Variants in SLC25A17 observed in about 807,000 individuals in gnomAD.
SLC25A17 encodes peroxisomal membrane protein PMP34.
In SLC25A17, 26 loss-of-function variants were observed where a neutral mutation model predicts 38.5. That is an observed-to-expected ratio of 0.68 (90% CI 0.50 to 0.94). The LOEUF is 0.94. Among genes scored for constraint, SLC25A17 ranks in the 40% least tolerant of loss-of-function variants. The pLI is 0.00. For missense variants in SLC25A17, 333 were observed against 372.7 expected (o/e 0.89, Z 0.88); for synonymous variants, 139 against 136.2 (o/e 1.02, Z -0.14).
intron 1 of SLC25A17, among the ~76,000 whole-genome samples, chr22:40,814,754 AATATATATATATATATAT>A (rs10527651): frequency 1.7e-4 from 23 of 135,114 alleles, no homozygotes; most frequent in African/African-American, 3.0e-4. Context: ...GTACGTGCAG[AATATATATATATATATAT>A]ATATATATAT....
rs538107312 is a variant in SLC25A17, at chr22:40,815,989, C to G, written c.54+3206G>C. ...ATCACCTGAGGGCGGGAGCTCAAGA[C>G]CAGGCTGACCAACATGGAGAAACCC... On this transcript the variant is annotated intron_variant, in intron 1 of 8. Coordinates refer to ENST00000435456, the MANE Select transcript of SLC25A17 (RefSeq NM_006358.4). Among the ~76,000 whole-genome samples, 5 of 152,228 alleles carry G rather than the reference C, an allele frequency of 3.3e-5. No homozygotes were observed. In the East Asian group the frequency reaches 9.7e-4, roughly 29 times the overall value.
chr22:40,788,453 G>A (rs998975262), intron 4 of SLC25A17, among the ~76,000 whole-genome samples: 5 of 152,186 alleles, frequency 3.3e-5, no homozygotes, highest in Non-Finnish European at 5.9e-5. Context: ...AGCACTTTGG[G>A]AGGCCAACGC....
At position 40,798,983 on chromosome 22, in the gene SLC25A17, T is replaced by C; in HGVS notation, c.115+40A>G. ...AGAAATTACTAGCGAAAATGTTTGCTTCCTGACACCATACAAATAGGAGTA... is the reference window on the plus strand; with the variant it reads ...AGAAATTACTAGCGAAAATGTTTGCCTCCTGACACCATACAAATAGGAGTA... On this transcript the variant is annotated intron_variant, in intron 2 of 8. Transcript: ENST00000435456. 2.2e-6 allele frequency: 3 copies of C among 1,375,800 alleles called. No homozygotes were observed. The South Asian group carries it at 3.7e-5, about 17-fold the overall frequency. 85.2% of individuals were successfully genotyped at this position (1,375,800 alleles called of 1,614,324 possible).
At chr22:40,816,525 T>C (rs2057641092) in intron 1 of SLC25A17, among the ~76,000 whole-genome samples, 1 of 152,118 alleles carries the variant, frequency 6.6e-6, no homozygotes, top group South Asian at 2.1e-4. Flanking sequence ...TTAAAAAGTT[T>C]GCCAATCTCT....
chr22:40,804,161 G>A (rs1316544708), intron 1 of SLC25A17, among the ~76,000 whole-genome samples: 4 of 152,068 alleles, frequency 2.6e-5, no homozygotes, highest in Non-Finnish European at 5.9e-5. Context: ...CTAGCAAAAG[G>A]AGTCCTTTTA....
At chr22:40,774,653 C>T (rs768786232) in intron 7 of SLC25A17, among the ~76,000 whole-genome samples, 3 of 152,202 alleles carry the variant, frequency 2.0e-5, no homozygotes, top group Non-Finnish European at 2.9e-5. Flanking sequence ...ATAACTTCCA[C>T]TTCTTTAAGA....
Position 40,777,069 on chromosome 22 carries a change from G to C in SLC25A17, c.664C>G (p.Pro222Ala), listed in dbSNP as rs1018585030. The C allele has an allele frequency of 2.5e-6, 4 of 1,614,014 alleles. No homozygotes were observed. In the African/African-American group the frequency reaches 5.3e-5, roughly 22 times the overall value. Residue 222 changes from proline (P) to alanine (A), a missense_variant, in exon 7 of 9, where the codon CCC becomes GCC. By Grantham distance (27) the Pro-to-Ala change is conservative. Transcript: ENST00000435456. ...AGAATTGACTGTACCGTCTGCAGGG[G>C]ATAGGTCACCGTGGTGGCAATCGCT... is the stretch of plus-strand genomic sequence containing the variant. ...AKAIATTVTYPLQTVQSILRF... is the reference protein window; with the variant it reads ...AKAIATTVTYALQTVQSILRF...
At chr22:40,784,601 C>A in intron 4 of SLC25A17, 1 of 239,030 alleles carries the variant, frequency 4.2e-6, no homozygotes, top group Admixed American at 4.3e-5. Context: ...AGAAAGACCC[C>A]CATCTGTACA....
intron 1 of SLC25A17, among the ~76,000 whole-genome samples, chr22:40,800,017 A>G (rs547833015): frequency 2.6e-5 from 4 of 152,360 alleles, no homozygotes; most frequent in Admixed American, 1.3e-4. Flanking sequence ...AAACAGACAC[A>G]TACTTTTATT....
At chr22:40,785,906 A>T (rs1039724985) in intron 4 of SLC25A17, among the ~76,000 whole-genome samples, 1 of 151,734 alleles carries the variant, frequency 6.6e-6, no homozygotes, top group Non-Finnish European at 1.5e-5. Flanking sequence ...AACTGCTGGG[A>T]TTATTGACAT....
At chr22:40,801,125 T>C (rs1004442707) in intron 1 of SLC25A17, among the ~76,000 whole-genome samples, 3 of 49,518 alleles carry the variant, frequency 6.1e-5, no homozygotes, top group African/African-American at 1.7e-4. Flanking sequence ...AAAAAATATA[T>C]TACATATATA....
chr22:40,789,028 T>G lies in SLC25A17; in HGVS notation c.334+3497A>C, dbSNP rs962162985. The stretch of plus-strand genomic sequence containing the variant: ...ATGTGTTTCCATGGACTTCTTCGTA[T>G]TCTCATAGTATGGGTTCCATCCTAT... On this transcript the variant is annotated intron_variant, in intron 4 of 8. Coordinates refer to ENST00000435456, the MANE Select transcript of SLC25A17 (RefSeq NM_006358.4). The surrounding 1 kb of genome is among the most constrained non-coding windows in gnomAD (Gnocchi z 4.5). 17 of 303,564 alleles carry G rather than the reference T, an allele frequency of 5.6e-5. No individual in the cohort carries two copies. Among genetic ancestry groups the G allele is most frequent in the Non-Finnish European group, 9.3e-5 (14 of 150,820 alleles). 18.8% of individuals were successfully genotyped at this position (303,564 alleles called of 1,614,324 possible).
At position 40,789,018 on chromosome 22, in the gene SLC25A17, C is replaced by T. The variant is rs1053589383; in HGVS notation, c.334+3507G>A. 5 of 304,868 alleles carry T rather than the reference C, an allele frequency of 1.6e-5. No homozygotes were observed. Among genetic ancestry groups the T allele is most frequent in the African/African-American group, 1.1e-4 (5 of 44,158 alleles). The allele number at this position is 304,868 out of a possible 1,614,324, so 18.9% of individuals were successfully genotyped here. A position where few individuals can be genotyped will look rare whatever the true frequency, so the allele number is the denominator to read the frequency against. On this transcript the variant is annotated intron_variant, in intron 4 of 8. Transcript: ENST00000435456. This position sits in a 1 kb window ranked among gnomAD's most constrained non-coding sequence, Gnocchi z 4.5. Reference sequence around the variant, plus strand: ...TATGCATGGTATGTGTTTCCATGGACTTCTTCGTATTCTCATAGTATGGGT... The same window carrying T: ...TATGCATGGTATGTGTTTCCATGGATTTCTTCGTATTCTCATAGTATGGGT...
At chr22:40,810,820 A>G in intron 1 of SLC25A17, among the ~76,000 whole-genome samples, 1 of 152,344 alleles carries the variant, frequency 6.6e-6, no homozygotes, top group Admixed American at 6.5e-5. Context: ...GAATTTATAC[A>G]TCTCCATATA....
At chr22:40,808,280 T>C (rs760842067) in intron 1 of SLC25A17, among the ~76,000 whole-genome samples, 4 of 152,188 alleles carry the variant, frequency 2.6e-5, no homozygotes, top group Non-Finnish European at 5.9e-5. Flanking sequence ...CCATTCAGTG[T>C]TGGGAGAATA....
chr22:40,785,266 C>CAT (rs1168699712), intron 4 of SLC25A17, among the ~76,000 whole-genome samples: 1 of 152,238 alleles, frequency 6.6e-6, no homozygotes, highest in East Asian at 1.9e-4. Flanking sequence ...CGCCTGTAGT[C>CAT]CCAGCTACTT....
At chr22:40,788,230 A>G (rs912778117) in intron 4 of SLC25A17, among the ~76,000 whole-genome samples, 1 of 152,206 alleles carries the variant, frequency 6.6e-6, no homozygotes, top group Non-Finnish European at 1.5e-5. Flanking sequence ...TAATCAATAT[A>G]TATTTTTTAA....
chr22:40,775,488 GCT>G (rs2057233469), intron 7 of SLC25A17, among the ~76,000 whole-genome samples: 1 of 120,614 alleles, frequency 8.3e-6, no homozygotes, highest in Admixed American at 1.2e-4. Context: ...ACGGAGTCTC[GCT>G]CTGTCGCCCA....
intron 1 of SLC25A17, among the ~76,000 whole-genome samples, chr22:40,807,484 T>A (rs1375802343): frequency 6.6e-6 from 1 of 152,176 alleles, no homozygotes; most frequent in Non-Finnish European, 1.5e-5. Flanking sequence ...GTGCGGTGGC[T>A]CATGCCTGTA....
Sources: allele counts gnomAD v4.1 joint callset (sites outside exome capture counted in the v4.1 genomes callset), GRCh38; gene constraint gnomAD v4.1.1; non-coding constraint Gnocchi (gnomAD v3.1); transcripts MANE v1.5; gene names NCBI Gene and HGNC (gene_info 2026-07-23, HGNC 2026-07-21).